DENND1A: variants seen among roughly 807,000 people sequenced by gnomAD.
DENND1A encodes the protein DENN domain containing 1A.
A neutral mutation model predicts 113.7 loss-of-function variants in DENND1A; 51 were observed. The ratio of observed to expected loss-of-function variants is 0.45; its 90% CI spans 0.36 to 0.57. The LOEUF (loss-of-function observed/expected upper bound fraction) is 0.57, where lower values mean the gene tolerates loss of function less well. Among genes scored for constraint, DENND1A ranks in the 20% least tolerant of loss-of-function variants. The pLI, the probability that DENND1A is intolerant of heterozygous loss-of-function variation, is 0.00. For missense variants in DENND1A, 1,258 were observed against 1,395.9 expected (o/e 0.90, Z 1.57); for synonymous variants, 565 against 570.8 (o/e 0.99, Z 0.14).
chr9:123,506,658 A>C lies in DENND1A; in HGVS notation c.994-48761T>G, dbSNP rs117798957. Reference sequence around the variant, plus strand: ...GTGTATCCACATTTATCCTCATAACAACTTACAGAGATTAGGGTAATTATG... The same window carrying C: ...GTGTATCCACATTTATCCTCATAACCACTTACAGAGATTAGGGTAATTATG... On this transcript the variant is annotated intron_variant, in intron 13 of 23. Coordinates refer to ENST00000394215, the MANE Select transcript of DENND1A (RefSeq NM_001352964.2). Among the ~76,000 whole-genome samples, 229 of 152,016 alleles carry C rather than the reference A, an allele frequency of 1.5e-3. 1 individual carries two copies. Among genetic ancestry groups the C allele is most frequent in the Non-Finnish European group, 2.5e-3 (169 of 67,996 alleles).
intron 9 of DENND1A, among the ~76,000 whole-genome samples, chr9:123,631,192 A>G (rs1388707551): frequency 6.6e-6 from 1 of 152,154 alleles, no homozygotes; most frequent in African/African-American, 2.4e-5. Context: ...CCCGACCCCC[A>G]GCCATACACC....
At chr9:123,685,899 A>G (rs1188712253) in intron 5 of DENND1A, among the ~76,000 whole-genome samples, 1 of 152,120 alleles carries the variant, frequency 6.6e-6, no homozygotes, top group East Asian at 1.9e-4. Flanking sequence ...TTATGGTTTA[A>G]ATTACTACTG....
At chr9:123,758,894 T>C (rs1340438038) in intron 4 of DENND1A, among the ~76,000 whole-genome samples, 5 of 152,182 alleles carry the variant, frequency 3.3e-5, no homozygotes, top group Admixed American at 3.3e-4. Context: ...TCCACCTCCC[T>C]GGTTCACACA....
Position 123,382,514 on chromosome 9 carries a change from TGGGGATGG to T in DENND1A, c.2123_2130del (p.Ala708GlufsTer9), listed in dbSNP as rs1368188230. 1 of 1,614,012 alleles carries T rather than the reference TGGGGATGG, an allele frequency of 6.2e-7. No individual in the cohort carries two copies. The highest frequency in any genetic ancestry group is 1.1e-5 in the South Asian group (1 of 91,082). On this transcript the variant is annotated frameshift_variant, in exon 24 of 24. Coordinates refer to ENST00000394215, the MANE Select transcript of DENND1A (RefSeq NM_001352964.2). LOFTEE classifies it high-confidence loss of function. ...TCAGGGGAGGCAGCTGGGGGCTTGC[TGGGGATGG>T]CCATGTCGTCCTGGCCCAGGCTCCA...
At chr9:123,888,544 A>T (rs1849434982) in intron 1 of DENND1A, among the ~76,000 whole-genome samples, 1 of 152,230 alleles carries the variant, frequency 6.6e-6, no homozygotes, top group South Asian at 2.1e-4. Context: ...CTGGACCGCA[A>T]AGAGCAGGGC....
At chr9:123,418,663 C>A (rs1471462090) in intron 19 of DENND1A, among the ~76,000 whole-genome samples, 1 of 152,172 alleles carries the variant, frequency 6.6e-6, no homozygotes, top group African/African-American at 2.4e-5. Context: ...GTGCTGTGGG[C>A]AGAGCCAAGG....
intron 10 of DENND1A, among the ~76,000 whole-genome samples, chr9:123,621,969 C>A (rs1453690676): frequency 6.6e-6 from 1 of 152,196 alleles, no homozygotes; most frequent in African/African-American, 2.4e-5. Context: ...CAGAACCCTA[C>A]ATACAGCACA....
intron 6 of DENND1A, 43 bp from the exon 7 acceptor site, chr9:123,671,414 C>T (rs1164509784): frequency 6.2e-7 from 1 of 1,601,768 alleles, no homozygotes; most frequent in Non-Finnish European, 8.5e-7. Context: ...CAAGGCTGAG[C>T]CCTTAGTAAG....
chr9:123,586,040 T>C (rs2136882616), intron 11 of DENND1A, among the ~76,000 whole-genome samples: 3 of 151,850 alleles, frequency 2.0e-5, no homozygotes, highest in Middle Eastern at 6.8e-3. Flanking sequence ...TCTTGCTTGG[T>C]CTCTCACTTC....
At chr9:123,697,868 T>A (rs775048319) in intron 5 of DENND1A, among the ~76,000 whole-genome samples, 2 of 152,204 alleles carry the variant, frequency 1.3e-5, no homozygotes, top group Admixed American at 6.5e-5. Context: ...AACATGGAAA[T>A]GAAAGTGAAA....
At chr9:123,801,191 T>C (rs1834601337) in intron 2 of DENND1A, among the ~76,000 whole-genome samples, 1 of 152,222 alleles carries the variant, frequency 6.6e-6, no homozygotes, top group Non-Finnish European at 1.5e-5. Context: ...ATTTTGACCA[T>C]CTTTAAGTAC....
At chr9:123,493,315 G>C (rs936949843) in intron 13 of DENND1A, among the ~76,000 whole-genome samples, 8 of 152,296 alleles carry the variant, frequency 5.3e-5, no homozygotes, top group Admixed American at 4.6e-4. Context: ...AGGGAGGTTG[G>C]GGGGAGACTT....
intron 2 of DENND1A, among the ~76,000 whole-genome samples, chr9:123,868,140 A>G (rs1846044371): frequency 6.6e-6 from 1 of 152,218 alleles, no homozygotes; most frequent in Admixed American, 6.5e-5. Context: ...ACTTCCAGTG[A>G]AAAGGATCCT....
intron 2 of DENND1A, among the ~76,000 whole-genome samples, chr9:123,838,994 C>T (rs1458949062): frequency 6.6e-6 from 1 of 152,232 alleles, no homozygotes; most frequent in African/African-American, 2.4e-5. Flanking sequence ...TTTTTCCATG[C>T]AGACATGTTT....
intron 2 of DENND1A, among the ~76,000 whole-genome samples, chr9:123,802,735 G>A (rs181867927): frequency 2.0e-5 from 3 of 146,560 alleles, no homozygotes; most frequent in East Asian, 2.0e-4. Context: ...AGAGTTTCAC[G>A]CTTGTTGCCC....
chr9:123,675,050 A>G (rs1338788716), intron 6 of DENND1A, among the ~76,000 whole-genome samples: 1 of 152,214 alleles, frequency 6.6e-6, no homozygotes, highest in African/African-American at 2.4e-5. Flanking sequence ...CTCATTCATC[A>G]AAGAGTAATC....
At chr9:123,911,909 T>G (rs921567741) in intron 1 of DENND1A, among the ~76,000 whole-genome samples, 5 of 152,210 alleles carry the variant, frequency 3.3e-5, no homozygotes, top group Admixed American at 6.5e-5. Context: ...TTAGCCAGTA[T>G]GGTCTCAATC....
At chr9:123,674,841 C>G (rs985562145) in intron 6 of DENND1A, among the ~76,000 whole-genome samples, 3 of 132,346 alleles carry the variant, frequency 2.3e-5, no homozygotes, top group African/African-American at 8.7e-5. Context: ...GTTTTTTTCT[C>G]TTTTTTTTTT....
rs1228496730 is a variant in DENND1A, at chr9:123,470,785, G to A, written c.994-12888C>T. 2.0e-5 allele frequency among the ~76,000 whole-genome samples: 3 copies of A among 152,234 alleles called. No homozygotes were observed. The East Asian group carries it at 5.8e-4, about 29-fold the overall frequency. On this transcript the variant is annotated intron_variant, in intron 13 of 23. Coordinates refer to ENST00000394215, the MANE Select transcript of DENND1A (RefSeq NM_001352964.2). ...GACACAGTCCTCTGGGGGGTGCTCT[G>A]TGGCACTGTCCACATGATTAATTGT... is the stretch of plus-strand genomic sequence containing the variant.
Sources: allele counts gnomAD v4.1 joint callset (sites outside exome capture counted in the v4.1 genomes callset), GRCh38; gene constraint gnomAD v4.1.1; transcripts MANE v1.5; gene names NCBI Gene and HGNC (gene_info 2026-07-23, HGNC 2026-07-21).